LYST: variants seen among roughly 807,000 people sequenced by gnomAD.
LYST encodes the protein lysosomal trafficking regulator, also known as lysosomal-trafficking regulator.
Under a neutral mutation model 413.6 loss-of-function variants are expected in LYST, and 192 were observed. The ratio of observed to expected loss-of-function variants is 0.46; its 90% CI spans 0.41 to 0.52. LYST has a LOEUF of 0.52. LYST is among the 20% of genes least tolerant of loss of function. The pLI is 0.00. For missense variants in LYST, 3,815 were observed against 4,499.9 expected (o/e 0.85, Z 4.35); for synonymous variants, 1,525 against 1,567.3 (o/e 0.97, Z 0.64).
intron 48 of LYST, among the ~76,000 whole-genome samples, chr1:235,683,583 A>G (rs1659995403): frequency 1.3e-5 from 2 of 152,242 alleles, no homozygotes; most frequent in Admixed American, 1.3e-4. Context: ...TACGGTGCTC[A>G]AAGTTAGATA....
intron 3 of LYST, 53 bp from the exon 4 acceptor site, chr1:235,813,114 G>C: frequency 2.9e-6 from 3 of 1,018,800 alleles, no homozygotes; most frequent in South Asian, 1.3e-5. Flanking sequence ...AGACACATCA[G>C]TTCCTAATGT....
intron 47 of LYST, among the ~76,000 whole-genome samples, chr1:235,690,150 C>T (rs548900869): frequency 6.6e-6 from 1 of 152,284 alleles, no homozygotes; most frequent in Non-Finnish European, 1.5e-5. Flanking sequence ...CATTTTTCTT[C>T]ACTTTTCATT....
intron 28 of LYST, chr1:235,747,104 C>T (rs1666002730): frequency 3.5e-6 from 1 of 286,310 alleles, no homozygotes; most frequent in Admixed American, 4.7e-5. Flanking sequence ...GCTACAAAAG[C>T]ATTTCCTGAG....
intron 38 of LYST, among the ~76,000 whole-genome samples, chr1:235,725,200 G>C (rs562925209): frequency 3.0e-4 from 46 of 152,300 alleles, no homozygotes; most frequent in African/African-American, 1.1e-3. Context: ...TTGGGAGGCG[G>C]AGGCAGGCAG....
At chr1:235,671,097 C>T (rs949156774) in intron 50 of LYST, among the ~76,000 whole-genome samples, 2 of 152,082 alleles carry the variant, frequency 1.3e-5, no homozygotes, top group Admixed American at 6.5e-5. Flanking sequence ...GCCACCACGC[C>T]CAGCTAATTT....
At chr1:235,728,483 T>C (rs1174222704) in intron 37 of LYST, among the ~76,000 whole-genome samples, 3 of 152,232 alleles carry the variant, frequency 2.0e-5, no homozygotes, top group Non-Finnish European at 4.4e-5. Flanking sequence ...GCATATAGAT[T>C]TGCTTTATTT....
At chr1:235,734,784 C>A in intron 31 of LYST, 125 bp from the exon 32 acceptor site, 1 of 631,728 alleles carries the variant, frequency 1.6e-6, no homozygotes, top group Non-Finnish European at 2.7e-6. Context: ...AAAGCACCTA[C>A]AAAAGACATT....
chr1:235,739,228 G>A (rs1211046472), intron 31 of LYST, among the ~76,000 whole-genome samples: 2 of 152,176 alleles, frequency 1.3e-5, no homozygotes, highest in African/African-American at 4.8e-5. Flanking sequence ...TAGGCTGGAT[G>A]GTACTAATCT....
Position 235,757,421 on chromosome 1 carries a change from A to G in LYST, c.6919T>C (p.Leu2307=). 6.2e-7 allele frequency: 1 copy of G among 1,613,782 alleles called. No homozygotes were observed. The highest frequency in any genetic ancestry group is 8.5e-7 in the Non-Finnish European group (1 of 1,179,800). Residue 2307 remains leucine, a synonymous_variant, in exon 24 of 53, where the codon TTA becomes CTA. Transcript: ENST00000389793. ...AGAACCCCACTTAGGAGTTCATATA[A>G]TCCACAGCATATAGGTACCAAACAG... is the stretch of plus-strand genomic sequence containing the variant. The part of the protein sequence containing the change: ...EDCLVPICCG[L]YELLSGVLLI...
At chr1:235,756,061 CTG>C (rs1558195687) in intron 24 of LYST, among the ~76,000 whole-genome samples, 66 of 136,770 alleles carry the variant, frequency 4.8e-4, no homozygotes, top group African/African-American at 1.9e-3. Context: ...ATATCTATAT[CTG>C]TATCTATATC....
In LYST at chr1:235,808,894, C is replaced by A. The variant is rs1673153081; in HGVS notation, c.1924G>T (p.Val642Phe). The A allele has an allele frequency of 6.2e-7, 1 of 1,613,670 alleles. No individual in the cohort carries two copies. Among genetic ancestry groups the A allele is most frequent in the Non-Finnish European group, 8.5e-7 (1 of 1,179,738 alleles). Residue 642 changes from valine to phenylalanine, a missense_variant, in exon 5 of 53, where the codon GTT becomes TTT. By Grantham distance (50) the Val-to-Phe change is conservative (BLOSUM62 -1). Around this residue, in one of 4 missense-constraint regions of LYST, gnomAD observed 1,648 missense variants for 1,810.3 expected, o/e 0.91. Coordinates refer to ENST00000389793, the MANE Select transcript of LYST (RefSeq NM_000081.4). ...AATTGGGCTAGTTGGTCAGAGTCAA[C>A]AGTACAAATATTACAAGCTGCTTTT... ...IKKAACNICT[V>F]DSDQLAQLEE...
In LYST at chr1:235,677,179, A is replaced by G. The variant is rs1439503648; in HGVS notation, c.10950T>C (p.Tyr3650=). ...CIIWDLNRLC[Y]VQSLAGHKSP... is the part of the protein sequence containing the mutation. ...TTTTGTGTCCCGCCAGACTTTGTAC[A>G]TAGCATAACCTGAAAGAAAAAAGAC... The change falls in exon 50 of 53, where the codon TAT becomes TAC. Residue 3650 remains tyrosine (Y), a synonymous_variant. Coordinates refer to ENST00000389793, the MANE Select transcript of LYST (RefSeq NM_000081.4). The G allele has an allele frequency of 3.7e-6, 6 of 1,611,654 alleles. No individual in the cohort carries two copies. Among genetic ancestry groups the G allele is most frequent in the Middle Eastern group, 1.7e-4 (1 of 6,050 alleles).
chr1:235,684,404 C>G (rs1558113067), intron 48 of LYST, among the ~76,000 whole-genome samples: 1 of 152,138 alleles, frequency 6.6e-6, no homozygotes, highest in Admixed American at 6.6e-5. Context: ...GCAAAATGAT[C>G]CAAGTGCACA....
At chr1:235,738,200 T>C (rs1236146060) in intron 31 of LYST, 10 of 1,610,274 alleles carry the variant, frequency 6.2e-6, no homozygotes, top group Non-Finnish European at 8.5e-6. Flanking sequence ...ATCTCCACCA[T>C]GGCAGCCTTT....
chr1:235,769,500 G>A (rs757183259), intron 20 of LYST, among the ~76,000 whole-genome samples: 3 of 151,980 alleles, frequency 2.0e-5, no homozygotes, highest in Non-Finnish European at 4.4e-5. Context: ...ATCTCATGGA[G>A]TATCTGTACT....
rs894995849 is a variant in LYST, at chr1:235,733,156, C to T, written c.8801+347G>A. ...TTTAGAGAATAATACCTTGATTTCC[C>T]GCTTTTTGTTATTTGTAATACATAT... On this transcript the variant is annotated intron_variant, in intron 34 of 52. Coordinates refer to ENST00000389793, the MANE Select transcript of LYST (RefSeq NM_000081.4). 6.6e-5 allele frequency among the ~76,000 whole-genome samples: 10 copies of T among 151,834 alleles called. 1 individual carries two copies. The highest frequency in any genetic ancestry group is 2.6e-4 in the Admixed American group (4 of 15,250).
intron 22 of LYST, among the ~76,000 whole-genome samples, chr1:235,760,441 T>C (rs1455621574): frequency 6.6e-6 from 1 of 152,214 alleles, no homozygotes; most frequent in Non-Finnish European, 1.5e-5. Context: ...TTTCTTTTCT[T>C]GTCACAGCTC....
rs770510261 is a variant in LYST, at chr1:235,746,437, C to T, written c.7871G>A (p.Arg2624Gln). 25 of 1,613,836 alleles carry T rather than the reference C, an allele frequency of 1.5e-5. No individual in the cohort carries two copies. The highest frequency in any genetic ancestry group is 1.9e-5 in the Non-Finnish European group (23 of 1,179,812). ...ANDELHVMMQ[R>Q]RMSQENPSQA... Reference sequence around the variant, plus strand: ...GCTAGGGTTCTCTTGGCTCATTCTCCGTTGCATCATCACATGAAGCTCATC... The same window carrying T: ...GCTAGGGTTCTCTTGGCTCATTCTCTGTTGCATCATCACATGAAGCTCATC... The change falls in exon 29 of 53, where the codon CGG becomes CAG. Residue 2624 changes from arginine to glutamine, a missense_variant. Coordinates refer to ENST00000389793, the MANE Select transcript of LYST (RefSeq NM_000081.4).
intron 42 of LYST, chr1:235,712,959 C>T (rs1000327932): frequency 4.4e-5 from 43 of 985,210 alleles, no homozygotes; most frequent in Non-Finnish European, 5.1e-5. Context: ...TAGCAGTTTA[C>T]ATGTTTCTTA....
Sources: gnomAD v4.1 joint callset for allele counts (sites outside exome capture counted in the v4.1 genomes callset) on GRCh38, gnomAD v4.1.1 for gene constraint, gnomAD v4.1.1 regional missense constraint, MANE v1.5 for transcripts, NCBI Gene and HGNC (gene_info 2026-07-23, HGNC 2026-07-21) for gene names.